Variants in PAQR5 observed in about 807,000 individuals in gnomAD.
PAQR5 encodes membrane progestin receptor gamma.
PAQR5 carries 20 observed loss-of-function variants against 34.5 expected under a neutral mutation model. The ratio of observed to expected loss-of-function variants is 0.58; its 90% CI spans 0.41 to 0.84. The LOEUF (loss-of-function observed/expected upper bound fraction) is 0.84, where lower values mean the gene tolerates loss of function less well. PAQR5 is among the 40% of genes least tolerant of loss of function. PAQR5 has a pLI of 0.00. For synonymous variants in PAQR5, 131 were observed against 155.6 expected (o/e 0.84, Z 1.18); for missense variants, 378 against 412.7 (o/e 0.92, Z 0.73).
At chr15:69,387,807 G>C (rs1179351438) in intron 5 of PAQR5, among the ~76,000 whole-genome samples, 5 of 152,020 alleles carry the variant, frequency 3.3e-5, no homozygotes, top group Admixed American at 1.3e-4. Flanking sequence ...CCTCCCATAG[G>C]CCATTCCCCA....
chr15:69,341,116 G>A (rs536930684), intron 2 of PAQR5, among the ~76,000 whole-genome samples: 1 of 151,914 alleles, frequency 6.6e-6, no homozygotes, highest in African/African-American at 2.4e-5. Flanking sequence ...CCATCTCCAC[G>A]ACTTCTTCAT....
At chr15:69,354,127 C>T (rs2054996037) in intron 2 of PAQR5, among the ~76,000 whole-genome samples, 2 of 152,176 alleles carry the variant, frequency 1.3e-5, no homozygotes, top group African/African-American at 4.8e-5. Context: ...ACAAATGGCC[C>T]AGACCCTTCA....
intron 1 of PAQR5, among the ~76,000 whole-genome samples, chr15:69,333,620 C>T (rs2054442544): frequency 2.0e-5 from 3 of 152,286 alleles, no homozygotes; most frequent in South Asian, 4.1e-4. Flanking sequence ...AGGGTAGAAG[C>T]ATTGCACGGT....
chr15:69,320,038 C>T (rs891067695), intron 1 of PAQR5, among the ~76,000 whole-genome samples: 3 of 152,242 alleles, frequency 2.0e-5, no homozygotes, highest in Non-Finnish European at 4.4e-5. Context: ...GATAGGATCT[C>T]GCCTTCCCCC....
intron 6 of PAQR5, 40 bp from the exon 7 acceptor site, chr15:69,397,426 CTT>C: frequency 1.5e-6 from 2 of 1,369,982 alleles, no homozygotes; most frequent in Non-Finnish European, 2.1e-6. Context: ...TGCTGAGACT[CTT>C]TTCATTCCAT....
At chr15:69,370,250 A>G (rs2055522879) in intron 3 of PAQR5, among the ~76,000 whole-genome samples, 1 of 152,146 alleles carries the variant, frequency 6.6e-6, no homozygotes, top group Admixed American at 6.5e-5. Context: ...TGGTTCTGCT[A>G]TTTATTATGG....
At position 69,314,093 on chromosome 15, in the gene PAQR5, TGAGAG is replaced by T. The variant is rs1013377381; in HGVS notation, c.-277+15041_-277+15045del. On this transcript the variant is annotated intron_variant, in intron 1 of 8. Coordinates refer to ENST00000395407, the MANE Select transcript of PAQR5 (RefSeq NM_017705.4). ...GGGAGTGATAGGGAGCAGGGAGTTC[TGAGAG>T]GAGGGCTTCCGTTTCTGAAATAGAG... Among the ~76,000 whole-genome samples the T allele has an allele frequency of 6.6e-4, 101 of 152,180 alleles. 1 individual carries two copies. Among genetic ancestry groups the T allele is most frequent in the South Asian group, 1.9e-3 (9 of 4,828 alleles).
intron 2 of PAQR5, among the ~76,000 whole-genome samples, chr15:69,350,409 G>A (rs986762069): frequency 5.9e-5 from 9 of 152,276 alleles, no homozygotes; most frequent in African/African-American, 1.7e-4. Flanking sequence ...TTGGGAGGCC[G>A]ATGCAGGCAG....
intron 2 of PAQR5, among the ~76,000 whole-genome samples, chr15:69,352,638 C>T (rs1049508787): frequency 7.9e-5 from 12 of 152,170 alleles, no homozygotes; most frequent in African/African-American, 1.2e-4. Flanking sequence ...ACAGCTGCAG[C>T]GCTATGGCCC....
At chr15:69,301,910 G>A (rs1452075110) in intron 1 of PAQR5, among the ~76,000 whole-genome samples, 1 of 127,686 alleles carries the variant, frequency 7.8e-6, no homozygotes, top group African/African-American at 3.2e-5. Flanking sequence ...ACAGTGTTAG[G>A]AGTCAAGAAT....
chr15:69,319,220 G>A (rs1348907868), intron 1 of PAQR5, among the ~76,000 whole-genome samples: 1 of 135,560 alleles, frequency 7.4e-6, no homozygotes, highest in South Asian at 2.3e-4. Flanking sequence ...TATGAATGTG[G>A]TCTCTCCCTC....
intron 5 of PAQR5, among the ~76,000 whole-genome samples, chr15:69,388,302 T>C (rs144197061): frequency 6.6e-6 from 1 of 152,336 alleles, no homozygotes; most frequent in African/African-American, 2.4e-5. Context: ...GGAAGTTTCC[T>C]TTCCTTAGCC....
intron 1 of PAQR5, among the ~76,000 whole-genome samples, chr15:69,307,185 C>A (rs1331100581): frequency 6.6e-6 from 1 of 152,052 alleles, no homozygotes; most frequent in African/African-American, 2.4e-5. Flanking sequence ...CCCTCCACCT[C>A]CCGTTATATA....
chr15:69,393,379 G>C (rs1199571717), intron 6 of PAQR5, among the ~76,000 whole-genome samples: 1 of 141,282 alleles, frequency 7.1e-6, no homozygotes, highest in Non-Finnish European at 1.6e-5. Context: ...TAGAGAGGAG[G>C]GTGTGGGTAT....
In PAQR5 at chr15:69,325,841, A is replaced by T. The variant is rs141401944; in HGVS notation, c.-276-11500A>T. On this transcript the variant is annotated intron_variant, in intron 1 of 8. Transcript: ENST00000395407. The stretch of plus-strand genomic sequence containing the variant: ...TTCTACGCACAGCCATCTGCCCGGG[A>T]AACTAAGGTTCTGGGTGAACGCTTA... Among the ~76,000 whole-genome samples, 965 of 152,222 alleles carry T rather than the reference A, an allele frequency of 6.3e-3. 20 individuals are homozygous for T. Among genetic ancestry groups the T allele is most frequent in the African/African-American group, 0.022 (920 of 41,532 alleles).
intron 1 of PAQR5, among the ~76,000 whole-genome samples, chr15:69,331,421 G>T (rs1053154421): frequency 5.3e-5 from 8 of 152,188 alleles, no homozygotes; most frequent in African/African-American, 1.9e-4. Flanking sequence ...AGGATAGTTT[G>T]GAAGGGATAC....
At chr15:69,304,662 G>C (rs1216729053) in intron 1 of PAQR5, among the ~76,000 whole-genome samples, 1 of 152,172 alleles carries the variant, frequency 6.6e-6, no homozygotes, top group Non-Finnish European at 1.5e-5. Context: ...ACCACCCCCA[G>C]CATGCTATGG....
intron 1 of PAQR5, among the ~76,000 whole-genome samples, chr15:69,331,873 T>C (rs576527038): frequency 6.6e-6 from 1 of 152,350 alleles, no homozygotes; most frequent in East Asian, 1.9e-4. Flanking sequence ...TCTTGCAAAT[T>C]GAGAATCTTG....
intron 1 of PAQR5, among the ~76,000 whole-genome samples, chr15:69,327,290 C>A (rs2054275564): frequency 6.6e-6 from 1 of 152,174 alleles, no homozygotes; most frequent in Admixed American, 6.5e-5. Flanking sequence ...CTGCGCCCAC[C>A]ACATGCGGAT....
Sources: allele counts gnomAD v4.1 joint callset (sites outside exome capture counted in the v4.1 genomes callset), GRCh38; gene constraint gnomAD v4.1.1; transcripts MANE v1.5; gene names NCBI Gene and HGNC (gene_info 2026-07-23, HGNC 2026-07-21).